Variants in ALPK1 observed in about 807,000 individuals in gnomAD.
The protein encoded by ALPK1 is alpha-protein kinase 1.
Under a neutral mutation model 120.6 loss-of-function variants are expected in ALPK1, and 110 were observed. That is an observed-to-expected ratio of 0.91 (90% CI 0.78 to 1.07). The LOEUF (loss-of-function observed/expected upper bound fraction) is 1.07. Ranked by LOEUF, ALPK1 falls within the 50% of genes least tolerant of loss-of-function variation. The probability of loss-of-function intolerance (pLI) is 0.00; values close to 1 mark genes in which losing one functional copy is unlikely to be tolerated. For missense variants in ALPK1, 1,498 were observed against 1,483.9 expected (o/e 1.01, Z -0.16); for synonymous variants, 582 against 560.3 (o/e 1.04, Z -0.55).
intron 4 of ALPK1, among the ~76,000 whole-genome samples, chr4:112,388,113 C>A (rs1319768044): frequency 6.6e-6 from 1 of 152,138 alleles, no homozygotes; most frequent in Non-Finnish European, 1.5e-5. Flanking sequence ...TGCTCTCATT[C>A]TTTTTTATGG....
intron 2 of ALPK1, among the ~76,000 whole-genome samples, chr4:112,372,669 A>G (rs555616810): frequency 7.2e-5 from 11 of 152,254 alleles, no homozygotes; most frequent in African/African-American, 2.6e-4. Flanking sequence ...TTGCAGGTAT[A>G]TAATATATTG....
At chr4:112,299,796 A>G (rs1727707678) in intron 1 of ALPK1, among the ~76,000 whole-genome samples, 1 of 152,216 alleles carries the variant, frequency 6.6e-6, no homozygotes, top group African/African-American at 2.4e-5. Context: ...CTCGTAAATT[A>G]TCATATAATT....
At chr4:112,311,832 G>A (rs1389695080) in intron 1 of ALPK1, among the ~76,000 whole-genome samples, 1 of 152,224 alleles carries the variant, frequency 6.6e-6, no homozygotes, top group East Asian at 1.9e-4. Flanking sequence ...TGTTAAGTAG[G>A]TCGGGGCAGG....
intron 2 of ALPK1, among the ~76,000 whole-genome samples, chr4:112,349,558 C>CCCA (rs202025018): frequency 5.5e-5 from 8 of 145,078 alleles, no homozygotes; most frequent in East Asian, 2.1e-4. Flanking sequence ...CCTGCCCCCC[C>CCCA]CCGCTTTATT....
At chr4:112,367,302 T>C (rs968322110) in intron 2 of ALPK1, among the ~76,000 whole-genome samples, 1 of 152,220 alleles carries the variant, frequency 6.6e-6, no homozygotes, top group Non-Finnish European at 1.5e-5. Flanking sequence ...AAAAGAACAG[T>C]AGACTATACA....
intron 2 of ALPK1, among the ~76,000 whole-genome samples, chr4:112,321,267 T>G (rs1728857787): frequency 6.6e-6 from 1 of 152,190 alleles, no homozygotes; most frequent in Non-Finnish European, 1.5e-5. Context: ...TCACTAATGG[T>G]CTAACAATTT....
At chr4:112,435,063 G>C in intron 11 of ALPK1, 85 bp from the exon 12 acceptor site, 2 of 1,353,156 alleles carry the variant, frequency 1.5e-6, no homozygotes, top group African/African-American at 1.5e-5. Flanking sequence ...GTGAGCTGGC[G>C]TAGGACCTGT....
At chr4:112,370,156 T>C (rs1731338587) in intron 2 of ALPK1, among the ~76,000 whole-genome samples, 1 of 152,232 alleles carries the variant, frequency 6.6e-6, no homozygotes, top group African/African-American at 2.4e-5. Context: ...GTTTGGTTAC[T>C]TTTTATAATA....
chr4:112,307,363 C>G (rs1307403751), intron 1 of ALPK1, among the ~76,000 whole-genome samples: 4 of 151,914 alleles, frequency 2.6e-5, no homozygotes, highest in African/African-American at 7.3e-5. Context: ...TTAAACTCTC[C>G]CGTTATTATT....
chr4:112,301,443 C>G (rs1484925576), intron 1 of ALPK1, among the ~76,000 whole-genome samples: 1 of 152,060 alleles, frequency 6.6e-6, no homozygotes, highest in African/African-American at 2.4e-5. Flanking sequence ...TTAGAAGCGC[C>G]CTTACTGTGT....
rs1384200625 is a variant in ALPK1, at chr4:112,411,614, TGGG to T, written c.277-210_277-208del. The T allele has an allele frequency of 8.5e-6, 5 of 590,134 alleles. No homozygotes were observed. In the East Asian group the frequency reaches 8.6e-5, roughly 10 times the overall value. The allele number at this position is 590,134 out of a possible 1,614,324, so 36.6% of individuals were successfully genotyped here. On this transcript the variant is annotated intron_variant, in intron 4 of 15. Transcript: ENST00000650871. Reference sequence around the variant, plus strand: ...CGCTTCTATAATTTTATAAATGTAATGGGGGAAATTGAATGAAGGAAATACTAT... The same window carrying T: ...CGCTTCTATAATTTTATAAATGTAATGGAAATTGAATGAAGGAAATACTAT...
chr4:112,346,138 C>T (rs1390696149), intron 2 of ALPK1, among the ~76,000 whole-genome samples: 1 of 152,244 alleles, frequency 6.6e-6, no homozygotes, highest in Non-Finnish European at 1.5e-5. Context: ...GCTGGGATTA[C>T]AGGTGTGAGC....
At chr4:112,348,574 C>T (rs953530109) in intron 2 of ALPK1, among the ~76,000 whole-genome samples, 1 of 152,222 alleles carries the variant, frequency 6.6e-6, no homozygotes, top group Admixed American at 6.5e-5. Context: ...AATAGCTTGG[C>T]ATGTGGGTGT....
intron 2 of ALPK1, among the ~76,000 whole-genome samples, chr4:112,375,232 T>C (rs1324279661): frequency 1.4e-5 from 2 of 147,582 alleles, no homozygotes; most frequent in East Asian, 2.0e-4. Context: ...TCAGCCGGAG[T>C]GTAGAGGTGC....
intron 2 of ALPK1, among the ~76,000 whole-genome samples, chr4:112,347,162 C>A (rs961012304): frequency 2.6e-5 from 4 of 152,060 alleles, no homozygotes; most frequent in Non-Finnish European, 5.9e-5. Context: ...ACTACATATA[C>A]TTTTCTGTCA....
intron 5 of ALPK1, among the ~76,000 whole-genome samples, chr4:112,423,408 A>C (rs7658978): frequency 0.6 from 91,782 of 152,056 alleles, 27,948 homozygotes; most frequent in East Asian, 0.8. Flanking sequence ...GGCTTAGAGG[A>C]ACCTAGAGAA....
At chr4:112,381,942 G>A (rs1731929386) in intron 3 of ALPK1, among the ~76,000 whole-genome samples, 1 of 152,146 alleles carries the variant, frequency 6.6e-6, no homozygotes, top group Non-Finnish European at 1.5e-5. Flanking sequence ...AGTCCATATC[G>A]AAGGGATGAG....
At chr4:112,308,801 T>G (rs1223977334) in intron 1 of ALPK1, among the ~76,000 whole-genome samples, 3 of 152,172 alleles carry the variant, frequency 2.0e-5, no homozygotes, top group Non-Finnish European at 4.4e-5. Flanking sequence ...GGAGCTGCGT[T>G]CCTTTGGAGG....
intron 2 of ALPK1, chr4:112,359,584 C>A: frequency 4.0e-6 from 1 of 249,444 alleles, no homozygotes; most frequent in Non-Finnish European, 8.0e-6. Flanking sequence ...GCTTCCCAAC[C>A]AGACCGCTCA....
Sources: gnomAD v4.1 joint callset for allele counts (sites outside exome capture counted in the v4.1 genomes callset) on GRCh38, gnomAD v4.1.1 for gene constraint, MANE v1.5 for transcripts, NCBI Gene and HGNC (gene_info 2026-07-23, HGNC 2026-07-21) for gene names.